The following NOL4L variants were observed in gnomAD, a reference collection of about 807,000 sequenced individuals.
NOL4L encodes the protein nucleolar protein 4 like.
Under a neutral mutation model 64.5 loss-of-function variants are expected in NOL4L, and 7 were observed. That is an observed-to-expected ratio of 0.11 (90% CI 0.06 to 0.20). The LOEUF (loss-of-function observed/expected upper bound fraction) is 0.20, where lower values mean the gene tolerates loss of function less well. Among genes scored for constraint, NOL4L ranks in the 10% least tolerant of loss-of-function variants. The probability of loss-of-function intolerance (pLI) is 1.00; values close to 1 mark genes in which losing one functional copy is unlikely to be tolerated. For missense variants in NOL4L, 680 were observed against 967.1 expected (o/e 0.70, Z 3.94); for synonymous variants, 413 against 401.0 (o/e 1.03, Z -0.36).
chr20:32,443,237 G>A lies in NOL4L; in HGVS notation c.*4359C>T, dbSNP rs894937023. ...TGTTAAGTGAGGGAGAGAGGGAGTC[G>A]GCCTGTGCTAGTCATTCCACAAACA... On this transcript the variant is annotated 3_prime_UTR_variant, in exon 11 of 11. Coordinates refer to ENST00000621426, the MANE Select transcript of NOL4L (RefSeq NM_001256798.2). 6.6e-6 allele frequency: 1 copy of A among 152,156 alleles called. No homozygotes were observed. The highest frequency in any genetic ancestry group is 1.5e-5 in the Non-Finnish European group (1 of 68,034). 9.4% of individuals were successfully genotyped at this position (152,156 alleles called of 1,614,324 possible). A position where few individuals can be genotyped will look rare whatever the true frequency, so the allele number is the denominator to read the frequency against.
chr20:32,584,517 C>CA, intron 1 of NOL4L, 53 bp downstream of exon 1: 2 of 1,193,368 alleles, frequency 1.7e-6, no homozygotes, highest in Non-Finnish European at 2.2e-6. Flanking sequence ...CCCCGCCCGC[C>CA]TGCCCCAAGC....
Position 32,463,117 on chromosome 20 carries a change from C to T in NOL4L, c.842-6722G>A, listed in dbSNP as rs2145453481. Reference sequence around the variant, plus strand: ...CCTCCTGGGCTCTGGCACTTTATGACTCTGTGAAGAAACCCAGCTGGCTCC... The same window carrying T: ...CCTCCTGGGCTCTGGCACTTTATGATTCTGTGAAGAAACCCAGCTGGCTCC... On this transcript the variant is annotated intron_variant, in intron 5 of 10. Coordinates refer to ENST00000621426, the MANE Select transcript of NOL4L (RefSeq NM_001256798.2). This position sits in a 1 kb window ranked among gnomAD's most constrained non-coding sequence, Gnocchi z 5.8. Among the ~76,000 whole-genome samples the T allele has an allele frequency of 1.3e-5, 2 of 152,178 alleles. No individual in the cohort carries two copies. The highest frequency in any genetic ancestry group is 4.8e-5 in the African/African-American group (2 of 41,504).
intron 4 of NOL4L, among the ~76,000 whole-genome samples, chr20:32,507,662 A>C (rs148514670): frequency 1.3e-5 from 2 of 152,288 alleles, no homozygotes; most frequent in Non-Finnish European, 2.9e-5. Context: ...CAGATTATTG[A>C]GATTTTTTCT....
chr20:32,534,129 G>C (rs2018435578), intron 1 of NOL4L, among the ~76,000 whole-genome samples: 1 of 152,252 alleles, frequency 6.6e-6, no homozygotes, highest in Non-Finnish European at 1.5e-5. Flanking sequence ...TATTAGTAGA[G>C]TGTGCCTTCC....
intron 4 of NOL4L, chr20:32,486,640 TA>T (rs111823457): frequency 0.025 from 7,981 of 323,950 alleles, no homozygotes; most frequent in South Asian, 0.042. Context: ...GTCAAAACAT[TA>T]AAAAAAAAAA....
At chr20:32,478,396 C>T (rs1384087441) in intron 4 of NOL4L, among the ~76,000 whole-genome samples, 1 of 152,168 alleles carries the variant, frequency 6.6e-6, no homozygotes, top group Non-Finnish European at 1.5e-5. Flanking sequence ...GGCTCCTTTA[C>T]ACCAGGCCTT....
intron 1 of NOL4L, among the ~76,000 whole-genome samples, chr20:32,543,143 T>C (rs1008074633): frequency 2.0e-5 from 3 of 151,804 alleles, no homozygotes; most frequent in African/African-American, 7.3e-5. Flanking sequence ...GGGGATGCAA[T>C]AGGAGAGAAT....
intron 5 of NOL4L, among the ~76,000 whole-genome samples, chr20:32,468,789 C>T (rs1024800157): frequency 3.3e-5 from 5 of 151,584 alleles, no homozygotes; most frequent in African/African-American, 9.7e-5. Flanking sequence ...ATCCCAGCTA[C>T]TCGGGAGGCT....
intron 4 of NOL4L, chr20:32,486,652 T>A (rs1454264978): frequency 6.6e-6 from 3 of 452,302 alleles, no homozygotes; most frequent in East Asian, 7.1e-5. Context: ...AAAAAAAAAA[T>A]TATCCCCACA....
Position 32,445,414 on chromosome 20 carries a change from T to A in NOL4L, c.*2182A>T, listed in dbSNP as rs1600604499. 1 of 152,352 alleles carries A rather than the reference T, an allele frequency of 6.6e-6. No individual in the cohort carries two copies. The highest frequency in any genetic ancestry group is 1.9e-4 in the East Asian group (1 of 5,194). 9.4% of individuals were successfully genotyped at this position (152,352 alleles called of 1,614,324 possible). A position where few individuals can be genotyped will look rare whatever the true frequency, so the allele number is the denominator to read the frequency against. On this transcript the variant is annotated 3_prime_UTR_variant, in exon 11 of 11. Transcript: ENST00000621426. ...CTGGGAGGAGAAGTGACACGTTAAG[T>A]AACTGATACCAGGAATTCTAGGGTG...
At chr20:32,541,880 G>T (rs576726309) in intron 1 of NOL4L, among the ~76,000 whole-genome samples, 6 of 152,384 alleles carry the variant, frequency 3.9e-5, no homozygotes, top group African/African-American at 1.4e-4. Context: ...TTTGTCCAGA[G>T]CTGGTGGCTA....
At chr20:32,513,944 A>G (rs1411265484) in intron 3 of NOL4L, among the ~76,000 whole-genome samples, 1 of 152,202 alleles carries the variant, frequency 6.6e-6, no homozygotes, top group African/African-American at 2.4e-5. Flanking sequence ...TCTGCCAACA[A>G]GCGGTGAAGT....
intron 1 of NOL4L, among the ~76,000 whole-genome samples, chr20:32,576,878 G>C (rs548448898): frequency 3.7e-4 from 57 of 152,296 alleles, no homozygotes; most frequent in Non-Finnish European, 7.4e-4. Flanking sequence ...GCTTACGTGG[G>C]GTGCCCTCAC....
intron 1 of NOL4L, among the ~76,000 whole-genome samples, chr20:32,539,616 T>C (rs894130670): frequency 3.3e-5 from 5 of 152,248 alleles, no homozygotes; most frequent in African/African-American, 1.2e-4. Context: ...CTTCTCTTTG[T>C]TCTTCTGTCC....
intron 4 of NOL4L, among the ~76,000 whole-genome samples, chr20:32,502,367 C>G (rs185109662): frequency 6.9e-6 from 1 of 143,918 alleles, no homozygotes; most frequent in Non-Finnish European, 1.5e-5. Flanking sequence ...CCGAGGCAGG[C>G]GGATCACCTG....
chr20:32,457,384 A>C (rs1238307939), intron 5 of NOL4L, among the ~76,000 whole-genome samples: 1 of 151,988 alleles, frequency 6.6e-6, no homozygotes, highest in Non-Finnish European at 1.5e-5. Flanking sequence ...CCACACCTGC[A>C]CCCAGAGTGG....
At chr20:32,487,278 TAAAG>T (rs1275612501) in intron 4 of NOL4L, among the ~76,000 whole-genome samples, 5 of 150,448 alleles carry the variant, frequency 3.3e-5, no homozygotes, top group Non-Finnish European at 7.4e-5. Flanking sequence ...CAAAAAAAAT[TAAAG>T]AGAGAGAAAT....
At chr20:32,518,381 A>G (rs182096054) in intron 3 of NOL4L, among the ~76,000 whole-genome samples, 10 of 152,328 alleles carry the variant, frequency 6.6e-5, no homozygotes, top group Non-Finnish European at 1.5e-5. Flanking sequence ...TGGTGGTGGC[A>G]GCCAGCGAGG....
chr20:32,529,987 C>G (rs925958533), intron 1 of NOL4L, among the ~76,000 whole-genome samples: 8 of 152,202 alleles, frequency 5.3e-5, no homozygotes, highest in African/African-American at 1.4e-4. Context: ...TATCCCACCC[C>G]CTCCGACATC....
Sources: gnomAD v4.1 joint callset for allele counts (sites outside exome capture counted in the v4.1 genomes callset) on GRCh38, gnomAD v4.1.1 for gene constraint, Gnocchi (gnomAD v3.1) non-coding constraint, MANE v1.5 for transcripts, NCBI Gene and HGNC (gene_info 2026-07-23, HGNC 2026-07-21) for gene names.